Variants in ZFAND6 observed in about 807,000 individuals in gnomAD.
ZFAND6 encodes AN1-type zinc finger protein 6.
Under a neutral mutation model 24.5 loss-of-function variants are expected in ZFAND6, and 12 were observed. That is an observed-to-expected ratio of 0.49 (90% CI 0.31 to 0.79). The LOEUF is 0.79. Among genes scored for constraint, ZFAND6 ranks in the 30% least tolerant of loss-of-function variants. The pLI, the probability that ZFAND6 is intolerant of heterozygous loss-of-function variation, is 0.04. For synonymous variants in ZFAND6, 92 were observed against 81.5 expected, an observed-to-expected ratio of 1.13 and a Z score of -0.69; for missense variants, 207 against 245.9, an observed-to-expected ratio of 0.84 and a Z score of 1.06.
chr15:80,067,478 C>T (rs1012349544), intron 1 of ZFAND6, among the ~76,000 whole-genome samples: 1 of 152,150 alleles, frequency 6.6e-6, no homozygotes, highest in African/African-American at 2.4e-5. Context: ...CTTTCATAAA[C>T]ATTTGTAACA....
At chr15:80,130,828 A>C in intron 5 of ZFAND6, 1 of 194,420 alleles carries the variant, frequency 5.1e-6, no homozygotes, top group East Asian at 1.3e-4. Flanking sequence ...GCATATGGCT[A>C]TTGTCTTGCA....
intron 2 of ZFAND6, among the ~76,000 whole-genome samples, chr15:80,116,226 T>G (rs2039871833): frequency 6.6e-6 from 1 of 152,190 alleles, no homozygotes; most frequent in African/African-American, 2.4e-5. Flanking sequence ...TGTGACCCTT[T>G]CCTCCAAAAA....
chr15:80,090,914 CA>C (rs1310206425), intron 1 of ZFAND6, among the ~76,000 whole-genome samples: 5 of 152,148 alleles, frequency 3.3e-5, no homozygotes, highest in Non-Finnish European at 5.9e-5. Flanking sequence ...CCTTAAAATA[CA>C]GAGTCACACA....
chr15:80,071,907 T>C (rs1046291161), intron 1 of ZFAND6, among the ~76,000 whole-genome samples: 2 of 152,104 alleles, frequency 1.3e-5, no homozygotes, highest in African/African-American at 4.8e-5. Flanking sequence ...TGTAATAGTA[T>C]TTCTGCCCAG....
intron 1 of ZFAND6, among the ~76,000 whole-genome samples, chr15:80,064,474 T>C (rs76463849): frequency 1.1e-4 from 16 of 152,330 alleles, no homozygotes; most frequent in African/African-American, 3.8e-4. Context: ...AGTTTATCTT[T>C]TGCCCATTTT....
At chr15:80,105,824 A>G (rs2039294573) in intron 2 of ZFAND6, among the ~76,000 whole-genome samples, 1 of 152,210 alleles carries the variant, frequency 6.6e-6, no homozygotes, top group Non-Finnish European at 1.5e-5. Flanking sequence ...AAGGTGTGTT[A>G]CGTTTTAACT....
chr15:80,123,653 A>G (rs1429276592), intron 5 of ZFAND6, among the ~76,000 whole-genome samples: 1 of 152,166 alleles, frequency 6.6e-6, no homozygotes, highest in Non-Finnish European at 1.5e-5. Context: ...TATAATCCCT[A>G]CCTACTTGAG....
intron 2 of ZFAND6, among the ~76,000 whole-genome samples, chr15:80,108,118 G>C (rs2039430021): frequency 6.6e-6 from 1 of 152,134 alleles, no homozygotes; most frequent in South Asian, 2.1e-4. Flanking sequence ...ATAAGTGCTT[G>C]GCACATAAAG....
At chr15:80,126,035 G>A (rs768471220) in intron 5 of ZFAND6, among the ~76,000 whole-genome samples, 2 of 152,126 alleles carry the variant, frequency 1.3e-5, no homozygotes, top group Non-Finnish European at 2.9e-5. Context: ...TCCAACACTC[G>A]AATGATGTCA....
intron 1 of ZFAND6, among the ~76,000 whole-genome samples, chr15:80,064,039 C>A (rs1448171053): frequency 6.6e-6 from 1 of 152,176 alleles, no homozygotes; most frequent in African/African-American, 2.4e-5. Context: ...TAGTGGTTAC[C>A]CACATGGACA....
intron 5 of ZFAND6, chr15:80,130,443 A>T (rs912303835): frequency 1.3e-5 from 2 of 152,202 alleles, no homozygotes; most frequent in African/African-American, 4.8e-5. Context: ...GGGAAATTCC[A>T]CCATTTTAGA....
intron 1 of ZFAND6, chr15:80,060,093 G>C (rs1406117759): frequency 6.6e-6 from 1 of 151,902 alleles, no homozygotes; most frequent in Non-Finnish European, 1.5e-5. Context: ...TCCTGTCAGG[G>C]TGGTCGCGCT....
intron 1 of ZFAND6, chr15:80,075,461 C>G (rs1017619600): frequency 5.8e-5 from 9 of 155,398 alleles, no homozygotes; most frequent in African/African-American, 2.2e-4. Flanking sequence ...TAGGGAGTAT[C>G]TTTTTGGTTT....
At chr15:80,116,991 T>C (rs2039904571) in intron 2 of ZFAND6, among the ~76,000 whole-genome samples, 1 of 152,136 alleles carries the variant, frequency 6.6e-6, no homozygotes, top group Non-Finnish European at 1.5e-5. Context: ...GCAACCAACA[T>C]TGGTTGCTTA....
intron 1 of ZFAND6, among the ~76,000 whole-genome samples, chr15:80,078,932 C>G (rs1206211485): frequency 6.6e-6 from 1 of 151,292 alleles, no homozygotes. Context: ...TACATGTGCA[C>G]AGTGTGCGGG....
At chr15:80,110,775 T>A (rs2039567070) in intron 2 of ZFAND6, among the ~76,000 whole-genome samples, 1 of 152,166 alleles carries the variant, frequency 6.6e-6, no homozygotes, top group Non-Finnish European at 1.5e-5. Context: ...GTTAATTAGA[T>A]ATCCATATGG....
At chr15:80,108,083 A>G (rs1322929813) in intron 2 of ZFAND6, among the ~76,000 whole-genome samples, 1 of 152,206 alleles carries the variant, frequency 6.6e-6, no homozygotes, top group Non-Finnish European at 1.5e-5. Context: ...TAGGACTATT[A>G]TGAGGATTAA....
intron 1 of ZFAND6, chr15:80,060,400 C>T (rs2036267033): frequency 6.7e-6 from 1 of 150,186 alleles, no homozygotes; most frequent in Non-Finnish European, 1.5e-5. Context: ...AATTTTTTGT[C>T]TGCTTTTTTG....
chr15:80,080,906 G>T (rs942172002), intron 1 of ZFAND6, among the ~76,000 whole-genome samples: 4 of 152,146 alleles, frequency 2.6e-5, no homozygotes, highest in African/African-American at 7.2e-5. Flanking sequence ...GCACCAAGGG[G>T]ATGGTGTTAA....
Sources: allele counts gnomAD v4.1 joint callset (sites outside exome capture counted in the v4.1 genomes callset), GRCh38; gene constraint gnomAD v4.1.1; transcripts MANE v1.5; gene names NCBI Gene and HGNC (gene_info 2026-07-23, HGNC 2026-07-21).